The following TTC23L variants were observed in gnomAD, a reference collection of about 807,000 sequenced individuals.
TTC23L encodes tetratricopeptide repeat domain 23 like.
Under a neutral mutation model 48.1 loss-of-function variants are expected in TTC23L, and 42 were observed. That is an observed-to-expected ratio of 0.87 (90% confidence interval 0.68 to 1.13). The LOEUF is 1.13. Among genes scored for constraint, TTC23L ranks in the 50% most tolerant of loss-of-function variants. The pLI, the probability that TTC23L is intolerant of heterozygous loss-of-function variation, is 0.00. For synonymous variants in TTC23L, 159 were observed against 157.2 expected (o/e 1.01, Z -0.09); for missense variants, 391 against 421.0 (o/e 0.93, Z 0.62).
intron 8 of TTC23L, among the ~76,000 whole-genome samples, chr5:34,870,926 G>A (rs1300001141): frequency 6.6e-6 from 1 of 152,072 alleles, no homozygotes; most frequent in Non-Finnish European, 1.5e-5. Context: ...GACAATATTC[G>A]ACATCCATTC....
intron 3 of TTC23L, among the ~76,000 whole-genome samples, chr5:34,846,045 A>G (rs1369570108): frequency 6.6e-6 from 1 of 152,122 alleles, no homozygotes; most frequent in Non-Finnish European, 1.5e-5. Context: ...TCAGCCAGGC[A>G]TGGTGGAGGG....
intron 3 of TTC23L, among the ~76,000 whole-genome samples, chr5:34,849,794 G>A (rs1028899629): frequency 1.3e-5 from 2 of 152,100 alleles, no homozygotes; most frequent in African/African-American, 4.8e-5. Context: ...CACTGATCAC[G>A]CTACATATTC....
At chr5:34,902,396 A>G, downstream of TTC23L, 1 of 393,958 alleles carries the variant, frequency 2.5e-6, no homozygotes, top group African/African-American at 2.0e-5. Flanking sequence ...AGACTGGGTG[A>G]CAAGAGCAAA....
At chr5:34,923,577 CT>C in the TTC23L span, among the ~76,000 whole-genome samples, 1 of 152,116 alleles carries the variant, frequency 6.6e-6, no homozygotes, top group African/African-American at 2.4e-5. Context: ...TACACCCGGC[CT>C]AATTTTTTTT....
chr5:34,839,774 G>A, intron 1 of TTC23L: 2 of 381,770 alleles, frequency 5.2e-6, no homozygotes, highest in Non-Finnish European at 7.2e-6. Flanking sequence ...TGATTTAAGC[G>A]ACTGGCATAG....
At chr5:34,925,603 T>A in the TTC23L span, 1 of 929,206 alleles carries the variant, frequency 1.1e-6, no homozygotes. Context: ...AGTGTAGCAT[T>A]TACAAGAAAG....
At chr5:34,917,250 G>A in the TTC23L span, among the ~76,000 whole-genome samples, 7 of 152,198 alleles carry the variant, frequency 4.6e-5, no homozygotes, top group Admixed American at 2.6e-4. Context: ...TGATGTAGAC[G>A]TGAAAATCTA....
the TTC23L span, chr5:34,909,455 G>T: frequency 5.3e-6 from 4 of 761,276 alleles, no homozygotes; most frequent in Non-Finnish European, 2.2e-6. Context: ...CATACTAGTG[G>T]GTGAAACAGA....
chr5:34,853,673 G>C (rs957589642), intron 4 of TTC23L, among the ~76,000 whole-genome samples: 3 of 152,068 alleles, frequency 2.0e-5, no homozygotes, highest in African/African-American at 7.2e-5. Flanking sequence ...GGAGGAGAGA[G>C]GGTTTTGAAA....
At chr5:34,909,327 G>A in the TTC23L span, 1 of 1,609,946 alleles carries the variant, frequency 6.2e-7, no homozygotes. Context: ...GTCAAGGTGG[G>A]AACTTCCTGC....
At chr5:34,846,666 T>TG (rs1554017364) in intron 3 of TTC23L, among the ~76,000 whole-genome samples, 1 of 61,804 alleles carries the variant, frequency 1.6e-5, no homozygotes, top group Non-Finnish European at 3.8e-5. Context: ...TATATGTGTG[T>TG]ATGTGTGTGT....
the TTC23L span, chr5:34,925,587 C>T: frequency 9.3e-7 from 1 of 1,076,490 alleles, no homozygotes; most frequent in African/African-American, 1.6e-5. Flanking sequence ...TATCTTACGT[C>T]TAATTAGTGT....
chr5:34,890,944 ACCTAG>A (rs1472874731), intron 9 of TTC23L, among the ~76,000 whole-genome samples: 2 of 152,168 alleles, frequency 1.3e-5, no homozygotes, highest in Non-Finnish European at 2.9e-5. Flanking sequence ...CAGCTCTCTG[ACCTAG>A]GTGAAGTGAC....
At chr5:34,857,002 TAGAAG>T (rs1760190278) in intron 4 of TTC23L, among the ~76,000 whole-genome samples, 1 of 152,190 alleles carries the variant, frequency 6.6e-6, no homozygotes, top group South Asian at 2.1e-4. Flanking sequence ...AGGAGCCAGT[TAGAAG>T]AGAGGGTTTA....
At chr5:34,915,456 A>G in the TTC23L span, 5 of 353,704 alleles carry the variant, frequency 1.4e-5, no homozygotes, top group Non-Finnish European at 2.6e-5. Context: ...CCTTCTCAGC[A>G]AAGTCCCTGA....
chr5:34,862,976 A>G (rs368031020), exon 5 of TTC23L: 62 of 1,613,872 alleles, frequency 3.8e-5, no homozygotes, highest in Non-Finnish European at 5.2e-5. Flanking sequence ...ACGACCTCAA[A>G]TAAGGAGAAA....
the TTC23L span, chr5:34,909,492 G>A: frequency 1.6e-5 from 9 of 546,412 alleles, no homozygotes; most frequent in Non-Finnish European, 2.6e-5. Context: ...TATAACACAC[G>A]ATAACAAGTA....
intron 4 of TTC23L, among the ~76,000 whole-genome samples, chr5:34,856,685 A>G (rs747563133): frequency 6.6e-6 from 1 of 152,260 alleles, no homozygotes; most frequent in Non-Finnish European, 1.5e-5. Flanking sequence ...GTAGAGAACA[A>G]AGGACCTTGA....
At chr5:34,903,311 T>C (rs1763555903), downstream of TTC23L, among the ~76,000 whole-genome samples, 1 of 152,192 alleles carries the variant, frequency 6.6e-6, no homozygotes, top group African/African-American at 2.4e-5. Flanking sequence ...CCCCAAAGTT[T>C]TTCCCAAAGG....
Sources: allele counts gnomAD v4.1 joint callset (sites outside exome capture counted in the v4.1 genomes callset), GRCh38; gene constraint gnomAD v4.1.1; transcripts MANE v1.5; gene names NCBI Gene and HGNC (gene_info 2026-07-23, HGNC 2026-07-21).